The following RAET1E variants were observed in gnomAD, a reference collection of about 807,000 sequenced individuals.
RAET1E encodes NKG2D ligand 4.
RAET1E carries 27 observed loss-of-function variants against 21.1 expected under a neutral mutation model. The observed-to-expected ratio is 1.28, with a 90% confidence interval of 0.94 to 1.76. The LOEUF (loss-of-function observed/expected upper bound fraction) is 1.76, where lower values mean the gene tolerates loss of function less well. Ranked by LOEUF, RAET1E falls within the 40% of genes most tolerant of loss-of-function variation. RAET1E has a pLI of 0.00. For synonymous variants in RAET1E, 113 were observed against 115.0 expected, an observed-to-expected ratio of 0.98 and a Z score of 0.11; for missense variants, 310 against 311.3, an observed-to-expected ratio of 1.00 and a Z score of 0.03.
Position 149,889,580 on chromosome 6 carries a change from TG to T in RAET1E, c.389del (p.Ala130GlufsTer24). On this transcript the variant is annotated frameshift_variant, in exon 5 of 6. Transcript: ENST00000357183. LOFTEE classifies it high-confidence loss of function. ...LQVEMFCQRE[A>X]ERCTGASWQF... ...GCCAGGATGCACCAGTGCACCGTTC[TG>T]CTTCACGTTGACAAAACATCTCGAC... The T allele has an allele frequency of 6.2e-7, 1 of 1,614,244 alleles. No individual in the cohort carries two copies. The highest frequency in any genetic ancestry group is 1.1e-5 in the South Asian group (1 of 91,082).
In RAET1E at chr6:149,889,919, G is replaced by C. The variant is rs1202074466; in HGVS notation, c.312C>G (p.Leu104=). The C allele has an allele frequency of 1.2e-6, 2 of 1,613,944 alleles. No individual in the cohort carries two copies. Among genetic ancestry groups the C allele is most frequent in the South Asian group, 2.2e-5 (2 of 91,060 alleles). The change falls in exon 4 of 6, where the codon CTC becomes CTG. Residue 104 remains leucine, a synonymous_variant. Coordinates refer to ENST00000357183, the MANE Select transcript of RAET1E (RefSeq NM_001394057.1). ...LGEVGRDLRM[L]LCDIKPQIKT... is the part of the protein sequence containing the mutation. ...TTATCTGGGGTTTGATGTCACAAAG[G>C]AGCATCCTGAGGTCTCGCCCCACTT...
intron 5 of RAET1E, chr6:149,888,987 G>T: frequency 1.1e-6 from 1 of 929,262 alleles, no homozygotes. Context: ...GTGTGGGGAA[G>T]GTGGGGAAGG....
chr6:149,888,360 CA>C lies in RAET1E; in HGVS notation c.*137del. On this transcript the variant is annotated 3_prime_UTR_variant, in exon 6 of 6. Transcript: ENST00000357183. Reference sequence around the variant, plus strand: ...GATTGCTTCATCCCTCCTCTCACTGCACATTGTGCTGCCAGCCCTGCTGTGT... The same window carrying C: ...GATTGCTTCATCCCTCCTCTCACTGCCATTGTGCTGCCAGCCCTGCTGTGT... 9.6e-7 allele frequency: 1 copy of C among 1,045,706 alleles called. No individual in the cohort carries two copies. Among genetic ancestry groups the C allele is most frequent in the Non-Finnish European group, 1.4e-6 (1 of 703,564 alleles). The allele number at this position is 1,045,706 out of a possible 1,614,324, so 64.8% of individuals were successfully genotyped here.
At chr6:149,895,493 C>T (rs945957552) in intron 2 of RAET1E, 6 of 152,270 alleles carry the variant, frequency 3.9e-5, no homozygotes, top group African/African-American at 1.4e-4. Flanking sequence ...ACACTGTGAC[C>T]TTAAAACCAT....
chr6:149,892,299 T>C (rs535988958), intron 2 of RAET1E, among the ~76,000 whole-genome samples: 10 of 152,148 alleles, frequency 6.6e-5, no homozygotes, highest in South Asian at 4.2e-4. Flanking sequence ...TTCCACAATG[T>C]TTGAACTAAT....
chr6:149,887,984 C>T lies in RAET1E; in HGVS notation c.*514G>A, dbSNP rs561040613. On this transcript the variant is annotated 3_prime_UTR_variant, in exon 6 of 6. Coordinates refer to ENST00000357183, the MANE Select transcript of RAET1E (RefSeq NM_001394057.1). ...TGGGAGGCCGAGGCGGGAGCATCAC[C>T]TGAGGTCGGGAGTTCAAGACGAGCC... Among the ~76,000 whole-genome samples, 224 of 152,248 alleles carry T rather than the reference C, an allele frequency of 1.5e-3. No homozygotes were observed. Among genetic ancestry groups the T allele is most frequent in the Non-Finnish European group, 2.7e-3 (184 of 68,026 alleles).
rs1375733535 is a variant in RAET1E, at chr6:149,884,084, C to G, written c.*4414G>C. ...TGTTCTTTGCTTATCTCTCTTTTCT[C>G]CCTCACTTTTCTTCTCTCCCTCTCA... On this transcript the variant is annotated 3_prime_UTR_variant, in exon 6 of 6. Coordinates refer to ENST00000357183, the MANE Select transcript of RAET1E (RefSeq NM_001394057.1). 2 of 181,890 alleles carry G rather than the reference C, an allele frequency of 1.1e-5. No individual in the cohort carries two copies. Among genetic ancestry groups the G allele is most frequent in the Non-Finnish European group, 2.3e-5 (2 of 85,866 alleles). The allele number at this position is 181,890 out of a possible 1,614,324, so 11.3% of individuals were successfully genotyped here.
In RAET1E at chr6:149,889,410, C is replaced by A; in HGVS notation, c.560G>T (p.Gly187Val). Residue 187 changes from glycine to valine, a missense_variant, in exon 5 of 6, where the codon GGA becomes GTA. By Grantham distance (109) the Gly-to-Val change is moderately radical. Transcript: ENST00000357183. ...LEKYFRKLSK[G>V]DCDHWLREFL... is the part of the protein sequence containing the mutation. ...TTCCCTGAGCCAGTGATCGCAGTCT[C>A]CCTTTGAGAGCTTCCTGAAATACTT... 1 of 1,614,218 alleles carries A rather than the reference C, an allele frequency of 6.2e-7. No homozygotes were observed. Among genetic ancestry groups the A allele is most frequent in the South Asian group, 1.1e-5 (1 of 91,080 alleles).
At chr6:149,889,220 C>T in intron 5 of RAET1E, 128 bp downstream of exon 5, 5 of 1,464,290 alleles carry the variant, frequency 3.4e-6, no homozygotes, top group Non-Finnish European at 4.5e-6. Context: ...CCATCACTGA[C>T]TCTCCAGACA....
At chr6:149,888,728 T>C in intron 5 of RAET1E, 61 bp from the exon 6 acceptor site, 3 of 1,454,812 alleles carry the variant, frequency 2.1e-6, no homozygotes, top group Non-Finnish European at 2.7e-6. Flanking sequence ...AAAAAAAGCA[T>C]AAAAATATGC....
In RAET1E at chr6:149,884,434, T is replaced by G; in HGVS notation, c.*4064A>C. ...AACACACAGCAGTGGGAGCCAAGGCTGTCAGCGATCGAGGACCACAGGTGA... is the reference window on the plus strand; with the variant it reads ...AACACACAGCAGTGGGAGCCAAGGCGGTCAGCGATCGAGGACCACAGGTGA... On this transcript the variant is annotated 3_prime_UTR_variant, in exon 6 of 6. Coordinates refer to ENST00000357183, the MANE Select transcript of RAET1E (RefSeq NM_001394057.1). The G allele has an allele frequency of 6.6e-7, 1 of 1,514,464 alleles. No individual in the cohort carries two copies. The highest frequency in any genetic ancestry group is 8.9e-7 in the Non-Finnish European group (1 of 1,127,370). 93.8% of individuals were successfully genotyped at this position (1,514,464 alleles called of 1,614,324 possible).
Position 149,883,766 on chromosome 6 carries a change from A to T in RAET1E, c.*4732T>A, listed in dbSNP as rs1035997169. On this transcript the variant is annotated 3_prime_UTR_variant, in exon 6 of 6. Transcript: ENST00000357183. ...CATAATTTATACAGTCAGTTCTGCTATATCAGGTTGTTTGAAAACCGTACT... is the reference window on the plus strand; with the variant it reads ...CATAATTTATACAGTCAGTTCTGCTTTATCAGGTTGTTTGAAAACCGTACT... 3.3e-5 allele frequency: 5 copies of T among 152,728 alleles called. No homozygotes were observed. Among genetic ancestry groups the T allele is most frequent in the African/African-American group, 1.2e-4 (5 of 41,476 alleles). 9.5% of individuals were successfully genotyped at this position (152,728 alleles called of 1,614,324 possible).
rs1267709432 is a variant in RAET1E at position 149,887,123 on chromosome 6, C to T, written c.*1375G>A. ...ACAGGAAGCCCTTCAGCAGCCGACT[C>T]GGTTACCAGGATGAGGCTAGAGGCC... is the stretch of plus-strand genomic sequence containing the variant. On this transcript the variant is annotated 3_prime_UTR_variant, in exon 6 of 6. Transcript: ENST00000357183. Among the ~76,000 whole-genome samples the T allele has an allele frequency of 1.3e-5, 2 of 152,178 alleles. No homozygotes were observed. The highest frequency in any genetic ancestry group is 4.8e-5 in the African/African-American group (2 of 41,440).
chr6:149,887,177 C>T lies in RAET1E; in HGVS notation c.*1321G>A, dbSNP rs114868855. Among the ~76,000 whole-genome samples, 1,721 of 152,278 alleles carry T rather than the reference C, an allele frequency of 0.011. 40 individuals are homozygous for T. The highest frequency in any genetic ancestry group is 0.039 in the African/African-American group (1,623 of 41,552). On this transcript the variant is annotated 3_prime_UTR_variant, in exon 6 of 6. Coordinates refer to ENST00000357183, the MANE Select transcript of RAET1E (RefSeq NM_001394057.1). ...AACTCCCAGGTGTCTATGGAGGTCC[C>T]ACCTCCTTTAAATCCCTACTGTTCA...
In RAET1E at chr6:149,884,308, AAT is replaced by A; in HGVS notation, c.*4188_*4189del. 1.7e-6 allele frequency: 1 copy of A among 595,966 alleles called. No homozygotes were observed. The highest frequency in any genetic ancestry group is 2.9e-6 in the Non-Finnish European group (1 of 340,090). The allele number at this position is 595,966 out of a possible 1,614,324, so 36.9% of individuals were successfully genotyped here. ...TTTTAAAAAATATGTACTGAAAAAA[AAT>A]TTTTTTTTTTTGAGACGGAGTCTTG... On this transcript the variant is annotated 3_prime_UTR_variant, in exon 6 of 6. Transcript: ENST00000357183.
At chr6:149,893,875 C>T (rs1270649541) in intron 2 of RAET1E, among the ~76,000 whole-genome samples, 2 of 152,142 alleles carry the variant, frequency 1.3e-5, no homozygotes, top group Admixed American at 6.5e-5. Flanking sequence ...GGATATGTTC[C>T]ATCAATACCT....
At chr6:149,891,526 A>T (rs1438438528) in intron 2 of RAET1E, among the ~76,000 whole-genome samples, 2 of 147,732 alleles carry the variant, frequency 1.4e-5, no homozygotes, top group East Asian at 3.9e-4. Context: ...AAACATATTG[A>T]GTCACTCAAT....
intron 5 of RAET1E, 92 bp from the exon 6 acceptor site, chr6:149,888,759 C>T (rs1225626815): frequency 8.8e-6 from 13 of 1,473,866 alleles, no homozygotes; most frequent in Non-Finnish European, 1.1e-5. Flanking sequence ...CCCTGCTTTC[C>T]CCAGGAACAC....
intron 5 of RAET1E, 109 bp from the exon 6 acceptor site, chr6:149,888,776 C>T: frequency 7.0e-7 from 1 of 1,430,436 alleles, no homozygotes; most frequent in Non-Finnish European, 9.2e-7. Flanking sequence ...ACACATGGTG[C>T]CCCACATAAT....
Sources: gnomAD v4.1 joint callset for allele counts (sites outside exome capture counted in the v4.1 genomes callset) on GRCh38, gnomAD v4.1.1 for gene constraint, MANE v1.5 for transcripts, NCBI Gene and HGNC (gene_info 2026-07-23, HGNC 2026-07-21) for gene names.